Variants in SMYD3 observed in about 807,000 individuals in gnomAD.
The protein encoded by SMYD3 is SET and MYND domain containing 3.
Under a neutral mutation model 57.7 loss-of-function variants are expected in SMYD3, and 36 were observed. That is an observed-to-expected ratio of 0.62 (90% CI 0.48 to 0.82). SMYD3 has a LOEUF of 0.82. Ranked by LOEUF, SMYD3 falls within the 40% of genes least tolerant of loss-of-function variation. SMYD3 has a pLI of 0.00. For missense variants in SMYD3, 515 were observed against 538.8 expected (o/e 0.96, Z 0.44); for synonymous variants, 211 against 195.0 (o/e 1.08, Z -0.68).
At position 246,378,678 on chromosome 1, in the gene SMYD3, CATAT is replaced by C. The variant is rs1333933784; in HGVS notation, c.165-23588_165-23585del. Among the ~76,000 whole-genome samples, 6 of 112,586 alleles carry C rather than the reference CATAT, an allele frequency of 5.3e-5. No individual in the cohort carries two copies. The South Asian group carries it at 1.5e-3, about 29-fold the overall frequency. The allele number at this position is 112,586 out of a possible 152,430, so 73.9% of individuals were successfully genotyped here. On this transcript the variant is annotated intron_variant, in intron 1 of 11. Coordinates refer to ENST00000490107, the MANE Select transcript of SMYD3 (RefSeq NM_001167740.2). ...ATACACACACACATATATATATACA[CATAT>C]ATATACTTAATAAACTCCCCTTTAT...
At chr1:245,853,526 G>A (rs988922220) in intron 10 of SMYD3, among the ~76,000 whole-genome samples, 3 of 152,164 alleles carry the variant, frequency 2.0e-5, no homozygotes, top group Non-Finnish European at 4.4e-5. Context: ...TGCACCAAAC[G>A]TGCGCTCAGG....
At chr1:246,449,980 C>T (rs2067607338) in intron 1 of SMYD3, among the ~76,000 whole-genome samples, 1 of 152,126 alleles carries the variant, frequency 6.6e-6, no homozygotes, top group Non-Finnish European at 1.5e-5. Flanking sequence ...ATGACCCAAA[C>T]TAGTTCATGT....
chr1:246,288,120 C>T (rs562411861), intron 5 of SMYD3, among the ~76,000 whole-genome samples: 1 of 126,142 alleles, frequency 7.9e-6, no homozygotes, highest in Non-Finnish European at 1.6e-5. Context: ...GTCACCCAGG[C>T]TGGAGTACAG....
intron 10 of SMYD3, among the ~76,000 whole-genome samples, chr1:245,849,906 G>C (rs1286174601): frequency 2.0e-5 from 3 of 152,140 alleles, no homozygotes; most frequent in African/African-American, 7.2e-5. Flanking sequence ...GCCTGCCTTG[G>C]CCTCCCAAAG....
intron 1 of SMYD3, among the ~76,000 whole-genome samples, chr1:246,463,292 T>C (rs1449681728): frequency 2.0e-5 from 3 of 152,118 alleles, no homozygotes; most frequent in Non-Finnish European, 2.9e-5. Flanking sequence ...ATATGTATAT[T>C]TGAGAAACAT....
intron 8 of SMYD3, among the ~76,000 whole-genome samples, chr1:245,889,783 C>T (rs761381099): frequency 1.3e-5 from 2 of 152,150 alleles, no homozygotes; most frequent in Non-Finnish European, 2.9e-5. Context: ...ATAGCCAAAG[C>T]CATTCTGAGC....
At chr1:245,820,488 G>C (rs1267127177) in intron 10 of SMYD3, among the ~76,000 whole-genome samples, 1 of 148,190 alleles carries the variant, frequency 6.7e-6, no homozygotes, top group East Asian at 2.0e-4. Flanking sequence ...ACTGGCACAA[G>C]ACAGGGATGC....
intron 5 of SMYD3, among the ~76,000 whole-genome samples, chr1:245,954,583 G>A (rs922911489): frequency 2.6e-5 from 4 of 152,214 alleles, no homozygotes; most frequent in African/African-American, 9.7e-5. Flanking sequence ...AGCTGAGGTG[G>A]AAGGCTCGCT....
rs535565285 is a variant in SMYD3 at position 246,507,066 on chromosome 1, C to A, written c.152G>T (p.Arg51Leu). The A allele has an allele frequency of 9.9e-5, 148 of 1,498,128 alleles. 1 individual carries two copies. In the African/African-American group the frequency reaches 1.9e-3, roughly 20 times the overall value. The allele number at this position is 1,498,128 out of a possible 1,614,324, so 92.8% of individuals were successfully genotyped here. A position where few individuals can be genotyped will look rare whatever the true frequency, so the allele number is the denominator to read the frequency against. The change falls in exon 1 of 12, where the codon CGC becomes CTC. Residue 51 changes from arginine to leucine, a missense_variant. Transcript: ENST00000490107. ...GCTCCTTACGCACCCGAGAAGGCAG[C>A]GGTCGCAGACGACGCCACGACTCCC... ...CKGSRGVVCD[R>L]CLLGKEKLMR... is the part of the protein sequence containing the mutation.
At chr1:246,022,028 AGC>A (rs1212490525) in intron 5 of SMYD3, among the ~76,000 whole-genome samples, 2 of 152,354 alleles carry the variant, frequency 1.3e-5, no homozygotes, top group African/African-American at 2.4e-5. Context: ...GAACATCCAC[AGC>A]AACTAAGAGT....
intron 1 of SMYD3, among the ~76,000 whole-genome samples, chr1:246,433,534 G>A (rs537832949): frequency 3.9e-5 from 6 of 152,186 alleles, no homozygotes; most frequent in African/African-American, 1.4e-4. Context: ...GCTGGCACGC[G>A]CCTGTAATCC....
chr1:246,480,725 T>C (rs2068088803), intron 1 of SMYD3, among the ~76,000 whole-genome samples: 1 of 152,180 alleles, frequency 6.6e-6, no homozygotes, highest in Admixed American at 6.5e-5. Flanking sequence ...CACTATGCTA[T>C]TTTGGGTCCT....
chr1:245,900,779 T>C (rs142087555), intron 8 of SMYD3, among the ~76,000 whole-genome samples: 2 of 152,332 alleles, frequency 1.3e-5, no homozygotes, highest in African/African-American at 4.8e-5. Context: ...AGATCCACCA[T>C]ATTCATGGCA....
intron 5 of SMYD3, among the ~76,000 whole-genome samples, chr1:246,124,348 A>AAAAC (rs111800107): frequency 6.6e-6 from 1 of 151,938 alleles, no homozygotes; most frequent in African/African-American, 2.4e-5. Flanking sequence ...AATGAATAAA[A>AAAAC]AAAGAAAGAA....
chr1:245,889,904 G>A (rs1432311452), intron 8 of SMYD3, among the ~76,000 whole-genome samples: 1 of 152,110 alleles, frequency 6.6e-6, no homozygotes, highest in Non-Finnish European at 1.5e-5. Context: ...CAGACCAATG[G>A]AAAGAAATAG....
At chr1:245,919,241 C>T (rs2055681273) in intron 7 of SMYD3, among the ~76,000 whole-genome samples, 1 of 152,160 alleles carries the variant, frequency 6.6e-6, no homozygotes, top group Non-Finnish European at 1.5e-5. Flanking sequence ...TTTCTCACTG[C>T]CCTTGAATAA....
chr1:246,116,182 C>T (rs2061339923), intron 5 of SMYD3, among the ~76,000 whole-genome samples: 1 of 144,454 alleles, frequency 6.9e-6, no homozygotes, highest in Non-Finnish European at 1.5e-5. Flanking sequence ...TAATCCTATA[C>T]CTCAAGCACC....
intron 1 of SMYD3, among the ~76,000 whole-genome samples, chr1:246,449,577 A>G (rs1166028043): frequency 1.3e-5 from 2 of 152,036 alleles, no homozygotes; most frequent in Non-Finnish European, 2.9e-5. Flanking sequence ...TGAACGTGAG[A>G]CCTGTGTTTG....
At chr1:246,346,482 G>A (rs944740463) in intron 2 of SMYD3, among the ~76,000 whole-genome samples, 6 of 152,168 alleles carry the variant, frequency 3.9e-5, no homozygotes, top group Non-Finnish European at 8.8e-5. Flanking sequence ...ATTTATAAAG[G>A]AAGACGTTTA....
Sources: gnomAD v4.1 joint callset for allele counts (sites outside exome capture counted in the v4.1 genomes callset) on GRCh38, gnomAD v4.1.1 for gene constraint, MANE v1.5 for transcripts, NCBI Gene and HGNC (gene_info 2026-07-23, HGNC 2026-07-21) for gene names.